Variants in FNDC8 observed in about 807,000 individuals in gnomAD.
The protein encoded by FNDC8 is fibronectin type III domain-containing protein 8.
A neutral mutation model predicts 24.8 loss-of-function variants in FNDC8; 23 were observed. The ratio of observed to expected loss-of-function variants is 0.93; its 90% CI spans 0.67 to 1.31. The LOEUF (loss-of-function observed/expected upper bound fraction) is 1.31, where lower values mean the gene tolerates loss of function less well. Among genes scored for constraint, FNDC8 ranks in the 40% most tolerant of loss-of-function variants. FNDC8 has a pLI of 0.00. For missense variants in FNDC8, 371 were observed against 398.2 expected (o/e 0.93, Z 0.58); for synonymous variants, 158 against 165.3 (o/e 0.96, Z 0.34).
chr17:35,124,133 A>T (rs879553969), intron 1 of FNDC8, among the ~76,000 whole-genome samples: 5 of 152,184 alleles, frequency 3.3e-5, no homozygotes, highest in Admixed American at 1.3e-4. Context: ...CCGTTCATCA[A>T]CCAAGACCTG....
intron 1 of FNDC8, 60 bp from the exon 2 acceptor site, chr17:35,126,982 G>C: frequency 6.6e-7 from 1 of 1,522,788 alleles, no homozygotes; most frequent in Non-Finnish European, 8.8e-7. Context: ...CCTGCCCTCA[G>C]GTGGAACGGG....
At chr17:35,129,193 A>G in intron 2 of FNDC8, 1 of 542,160 alleles carries the variant, frequency 1.8e-6, no homozygotes, top group South Asian at 2.4e-5. Flanking sequence ...AGAAATATGG[A>G]ATGAGGGTGT....
At chr17:35,129,992 AC>A in intron 3 of FNDC8, 1 of 1,379,102 alleles carries the variant, frequency 7.3e-7, no homozygotes, top group East Asian at 2.7e-5. Flanking sequence ...AATAGGGAAG[AC>A]AAGAGGCTAA....
At chr17:35,129,922 G>C in intron 3 of FNDC8, 2 of 1,389,986 alleles carry the variant, frequency 1.4e-6, no homozygotes, top group Non-Finnish European at 1.9e-6. Flanking sequence ...TTGGTTTTTA[G>C]ACTCTGCAAT....
At chr17:35,123,509 G>A (rs186503248) in intron 1 of FNDC8, among the ~76,000 whole-genome samples, 2 of 152,232 alleles carry the variant, frequency 1.3e-5, no homozygotes, top group East Asian at 1.9e-4. Flanking sequence ...AGGCTGAGGC[G>A]GATGCATCAC....
intron 1 of FNDC8, among the ~76,000 whole-genome samples, chr17:35,124,034 C>T (rs117263335): frequency 1.6e-4 from 24 of 152,176 alleles, no homozygotes; most frequent in Admixed American, 1.6e-3. Flanking sequence ...TCCAAATGTC[C>T]ACCAAGCGCT....
chr17:35,122,280 G>A (rs573125907), intron 1 of FNDC8, among the ~76,000 whole-genome samples: 68 of 141,196 alleles, frequency 4.8e-4, no homozygotes, highest in Admixed American at 1.2e-3. Context: ...GGGCTCAAGC[G>A]ATCCTCCCGC....
chr17:35,129,282 T>G, intron 2 of FNDC8, 140 bp from the exon 3 acceptor site: 1 of 1,087,820 alleles, frequency 9.2e-7, no homozygotes, highest in Non-Finnish European at 1.3e-6. Context: ...CTGCAGTACC[T>G]TGCACCTTCC....
intron 2 of FNDC8, chr17:35,129,087 C>T (rs2091861007): frequency 1.3e-5 from 3 of 239,152 alleles, no homozygotes; most frequent in East Asian, 8.5e-5. Flanking sequence ...TTCGCTTGCT[C>T]GCCCACCAAT....
intron 2 of FNDC8, among the ~76,000 whole-genome samples, chr17:35,127,794 T>C (rs969830693): frequency 1.3e-5 from 2 of 152,052 alleles, no homozygotes; most frequent in Admixed American, 6.5e-5. Flanking sequence ...GGAGGAAATC[T>C]CAATTTGAAC....
chr17:35,122,210 A>ATATATATATATATTTT (rs1567738668), intron 1 of FNDC8, among the ~76,000 whole-genome samples: 1 of 44,800 alleles, frequency 2.2e-5, no homozygotes, highest in Non-Finnish European at 4.3e-5. Context: ...ATATATATAA[A>ATATATATATATATTTT]TTTTTTTTTT....
intron 1 of FNDC8, among the ~76,000 whole-genome samples, chr17:35,125,809 G>A (rs2091846909): frequency 6.6e-6 from 1 of 152,106 alleles, no homozygotes. Context: ...GTAAATGGAG[G>A]TTTAATATAA....
intron 1 of FNDC8, among the ~76,000 whole-genome samples, chr17:35,125,604 T>C (rs935698112): frequency 1.3e-5 from 2 of 152,002 alleles, no homozygotes; most frequent in African/African-American, 2.4e-5. Context: ...ACGTGAAAAA[T>C]AATAGATCTT....
In FNDC8 at chr17:35,121,781, C is replaced by G; in HGVS notation, c.88C>G (p.Gln30Glu). Reference protein sequence around the residue: ...ENFNMMNALDQLPKPFSNPKS... With the variant: ...ENFNMMNALDELPKPFSNPKS... ...CTTCAACATGATGAATGCCCTTGAC[C>G]AACTGCCAAAACCCTTTTCAAACCC... is the stretch of plus-strand genomic sequence containing the variant. Residue 30 changes from glutamine (Q) to glutamate (E), a missense_variant, in exon 1 of 4, where the codon CAA (glutamine) becomes GAA (glutamate). Transcript: ENST00000158009. The G allele has an allele frequency of 6.2e-7, 1 of 1,613,670 alleles. No individual in the cohort carries two copies. Among genetic ancestry groups the G allele is most frequent in the Non-Finnish European group, 8.5e-7 (1 of 1,179,748 alleles).
chr17:35,128,954 C>G, intron 2 of FNDC8: 1 of 169,428 alleles, frequency 5.9e-6, no homozygotes. Flanking sequence ...TTAGATCCCT[C>G]CCATACAATT....
chr17:35,128,690 A>G (rs375301537), intron 2 of FNDC8: 6 of 153,626 alleles, frequency 3.9e-5, no homozygotes, highest in African/African-American at 1.4e-4. Flanking sequence ...GACTGGTTTC[A>G]TGGAAGATAA....
chr17:35,122,614 T>C (rs1281961523), intron 1 of FNDC8, among the ~76,000 whole-genome samples: 1 of 152,102 alleles, frequency 6.6e-6, no homozygotes, highest in Non-Finnish European at 1.5e-5. Flanking sequence ...GACACACCCA[T>C]GGCTCCTCTT....
rs746857060 is a variant in FNDC8, at chr17:35,129,429, G to C, written c.593G>C (p.Trp198Ser). Residue 198 changes from tryptophan (W) to serine (S), a missense_variant, in exon 3 of 4, where the codon TGG becomes TCG. By Grantham distance (177) the Trp-to-Ser change is radical. Coordinates refer to ENST00000158009, the MANE Select transcript of FNDC8 (RefSeq NM_017559.4). Reference sequence around the variant, plus strand: ...GGCTCTCTCTTCCCCTAGATTTCCTGGACCTACGCCTTGGGCAAGCAGCCG... The same window carrying C: ...GGCTCTCTCTTCCCCTAGATTTCCTCGACCTACGCCTTGGGCAAGCAGCCG... ...TVNNSTAVIS[W>S]TYALGKQPVS... 21 of 1,613,346 alleles carry C rather than the reference G, an allele frequency of 1.3e-5. No homozygotes were observed. The South Asian group carries it at 1.5e-4, about 12-fold the overall frequency.
chr17:35,122,172 ATATAT>A (rs2091829949), intron 1 of FNDC8, among the ~76,000 whole-genome samples: 2 of 26,300 alleles, frequency 7.6e-5, no homozygotes, highest in Non-Finnish European at 1.2e-4. Flanking sequence ...ATATATATAT[ATATAT>A]ATATATATAT....
Sources: allele counts gnomAD v4.1 joint callset (sites outside exome capture counted in the v4.1 genomes callset), GRCh38; gene constraint gnomAD v4.1.1; transcripts MANE v1.5; gene names NCBI Gene and HGNC (gene_info 2026-07-23, HGNC 2026-07-21).